The following SV2C variants were observed in gnomAD, a reference collection of about 807,000 sequenced individuals.
SV2C encodes synaptic vesicle glycoprotein 2C, also known as solute carrier family 22 member B3.
Under a neutral mutation model 79.7 loss-of-function variants are expected in SV2C, and 49 were observed. The observed-to-expected ratio is 0.61, with a 90% CI of 0.49 to 0.78. The LOEUF (loss-of-function observed/expected upper bound fraction) is 0.78, where lower values mean the gene tolerates loss of function less well. Among genes scored for constraint, SV2C ranks in the 30% least tolerant of loss-of-function variants. The probability of loss-of-function intolerance (pLI) is 0.00; values close to 1 mark genes in which losing one functional copy is unlikely to be tolerated. For missense variants in SV2C, 833 were observed against 912.9 expected (o/e 0.91, Z 1.13); for synonymous variants, 334 against 333.2 (o/e 1.00, Z -0.03).
intron 1 of SV2C, among the ~76,000 whole-genome samples, chr5:76,085,074 G>A (rs1329110014): frequency 1.3e-5 from 2 of 152,234 alleles, no homozygotes; most frequent in Non-Finnish European, 2.9e-5. Flanking sequence ...GACTGCTAGC[G>A]CGGTAGCTTC....
chr5:76,135,926 C>T (rs1749054157), intron 2 of SV2C, among the ~76,000 whole-genome samples: 1 of 152,222 alleles, frequency 6.6e-6, no homozygotes, highest in Admixed American at 6.5e-5. Context: ...GCAGAACAAG[C>T]AGCGTGCTGG....
At chr5:75,880,813 A>C in the SV2C span, among the ~76,000 whole-genome samples, 2 of 152,100 alleles carry the variant, frequency 1.3e-5, no homozygotes, top group African/African-American at 4.8e-5. Flanking sequence ...CTCAGTACCA[A>C]TTTTCTGTAT....
chr5:76,103,792 G>A (rs1018041610), intron 1 of SV2C, among the ~76,000 whole-genome samples: 1 of 152,182 alleles, frequency 6.6e-6, no homozygotes, highest in African/African-American at 2.4e-5. Flanking sequence ...AACATTTAAA[G>A]ATGAAATAAT....
the SV2C span, among the ~76,000 whole-genome samples, chr5:75,951,361 G>A: frequency 2.6e-5 from 4 of 151,998 alleles, no homozygotes; most frequent in Non-Finnish European, 5.9e-5. Context: ...AATGCTCTCA[G>A]TAGAGATGCT....
At chr5:75,900,030 T>C in the SV2C span, among the ~76,000 whole-genome samples, 12 of 152,182 alleles carry the variant, frequency 7.9e-5, no homozygotes, top group Non-Finnish European at 1.5e-4. Context: ...AATTTGCCAG[T>C]CTGTCTTTTA....
chr5:76,310,948 G>A (rs1748415894), intron 12 of SV2C, among the ~76,000 whole-genome samples: 1 of 152,332 alleles, frequency 6.6e-6, no homozygotes, highest in South Asian at 2.1e-4. Context: ...AGTGGTCAAA[G>A]TATTAAGATG....
At chr5:76,342,336 G>C (rs1316109402) in intron 12 of SV2C, among the ~76,000 whole-genome samples, 3 of 152,140 alleles carry the variant, frequency 2.0e-5, no homozygotes, top group Non-Finnish European at 2.9e-5. Context: ...TCTTTTCCAG[G>C]TGCAGCCTCA....
At chr5:76,194,770 C>G in intron 2 of SV2C, 149 bp from the exon 3 acceptor site, 1 of 914,146 alleles carries the variant, frequency 1.1e-6, no homozygotes, top group Non-Finnish European at 1.6e-6. Context: ...AACTTGAAAA[C>G]TGATTACTGT....
At chr5:76,236,018 A>T (rs1465673312) in intron 4 of SV2C, among the ~76,000 whole-genome samples, 2 of 152,222 alleles carry the variant, frequency 1.3e-5, no homozygotes, top group Non-Finnish European at 2.9e-5. Context: ...GTTTTCTTAC[A>T]AAGAAACTGA....
intron 4 of SV2C, among the ~76,000 whole-genome samples, chr5:76,256,419 T>C (rs1424099745): frequency 6.6e-6 from 1 of 152,206 alleles, no homozygotes; most frequent in African/African-American, 2.4e-5. Context: ...AGGCTTTTAA[T>C]AGCGCAGCGT....
chr5:76,085,766 A>G (rs570816094), intron 1 of SV2C, among the ~76,000 whole-genome samples: 1 of 152,024 alleles, frequency 6.6e-6, no homozygotes, highest in Admixed American at 6.6e-5. Flanking sequence ...AATCTCAGAG[A>G]GCTTTGGCTT....
chr5:75,851,384 C>G, the SV2C span, among the ~76,000 whole-genome samples: 1 of 152,098 alleles, frequency 6.6e-6, no homozygotes, highest in Non-Finnish European at 1.5e-5. Flanking sequence ...TCCAAAAGAC[C>G]ATATTCTTTT....
At chr5:76,278,433 C>A (rs770725893) in intron 4 of SV2C, among the ~76,000 whole-genome samples, 1 of 152,120 alleles carries the variant, frequency 6.6e-6, no homozygotes, top group African/African-American at 2.4e-5. Context: ...CTGGAAGGTA[C>A]GAAGCCTGCA....
intron 2 of SV2C, among the ~76,000 whole-genome samples, chr5:76,146,087 C>T (rs928099760): frequency 2.0e-5 from 3 of 152,166 alleles, no homozygotes; most frequent in African/African-American, 7.2e-5. Flanking sequence ...CAAAGTGCTT[C>T]CTGACAAGGA....
At chr5:75,932,193 C>A in the SV2C span, among the ~76,000 whole-genome samples, 5 of 152,308 alleles carry the variant, frequency 3.3e-5, 1 homozygote, top group Middle Eastern at 6.8e-3. Context: ...GAGCCACTTC[C>A]TTCTTCCCGG....
chr5:75,919,714 T>C, the SV2C span, among the ~76,000 whole-genome samples: 6 of 152,244 alleles, frequency 3.9e-5, no homozygotes, highest in Admixed American at 2.0e-4. Context: ...TAAGGCTTTG[T>C]TGATGTTCTT....
At chr5:76,120,162 G>GA (rs1268443036) in intron 1 of SV2C, among the ~76,000 whole-genome samples, 7 of 151,854 alleles carry the variant, frequency 4.6e-5, no homozygotes, top group Non-Finnish European at 8.8e-5. Flanking sequence ...ATTTTAAAAA[G>GA]AATCTACCAG....
At chr5:76,099,537 A>G in intron 1 of SV2C, among the ~76,000 whole-genome samples, 1 of 152,146 alleles carries the variant, frequency 6.6e-6, no homozygotes, top group Non-Finnish European at 1.5e-5. Context: ...CTCTCAGGAT[A>G]ACCAACCACT....
chr5:76,279,291 T>A (rs1319297745), intron 4 of SV2C, among the ~76,000 whole-genome samples: 2 of 152,172 alleles, frequency 1.3e-5, no homozygotes, highest in Non-Finnish European at 2.9e-5. Flanking sequence ...AGAAAAAGAA[T>A]GTATTTCAGA....
Sources: gnomAD v4.1 joint callset for allele counts (sites outside exome capture counted in the v4.1 genomes callset) on GRCh38, gnomAD v4.1.1 for gene constraint, MANE v1.5 for transcripts, NCBI Gene and HGNC (gene_info 2026-07-23, HGNC 2026-07-21) for gene names.